The following COPG2 variants were observed in gnomAD, a reference collection of about 807,000 sequenced individuals.
COPG2 encodes the protein coat protein complex I subunit gamma 2, also known as coatomer subunit gamma-2.
COPG2 carries 37 observed loss-of-function variants against 46.3 expected under a neutral mutation model. The ratio of observed to expected loss-of-function variants is 0.80; its 90% CI spans 0.61 to 1.05. COPG2 has a LOEUF of 1.05. Among genes scored for constraint, COPG2 ranks in the 50% least tolerant of loss-of-function variants. The pLI is 0.00. For missense variants in COPG2, 427 were observed against 387.8 expected (o/e 1.10, Z -0.85); for synonymous variants, 159 against 129.7 (o/e 1.23, Z -1.53).
intron 9 of COPG2, among the ~76,000 whole-genome samples, chr7:130,588,106 A>C (rs1304580804): frequency 2.7e-5 from 4 of 150,656 alleles, no homozygotes; most frequent in Non-Finnish European, 4.4e-5. Context: ...ATACCATCTC[A>C]CAACAGTTAG....
At position 130,527,331 on chromosome 7, in the gene COPG2, G is replaced by C. The variant is rs948907034; in HGVS notation, c.2150-18672C>G. ...GAGTGCCTGGCATACATGGGGGTAA[G>C]GGAGGGAAATGCTAAGGTCTTTGAG... On this transcript the variant is annotated intron_variant, in intron 20 of 23. Transcript: ENST00000425248. Among the ~76,000 whole-genome samples the C allele has an allele frequency of 6.3e-3, 958 of 151,472 alleles. 6 individuals carry two copies. The highest frequency in any genetic ancestry group is 0.022 in the African/African-American group (908 of 41,286).
intron 9 of COPG2, among the ~76,000 whole-genome samples, chr7:130,575,070 C>T (rs1248099447): frequency 6.6e-6 from 1 of 152,042 alleles, no homozygotes; most frequent in African/African-American, 2.4e-5. Context: ...AACGACCAAA[C>T]CTAAGAATAA....
intron 20 of COPG2, among the ~76,000 whole-genome samples, chr7:130,512,616 C>A (rs147466553): frequency 0.013 from 2,002 of 151,978 alleles, 44 homozygotes; most frequent in African/African-American, 0.047. Context: ...CCCGTCTCTA[C>A]TAAAAATTTT....
chr7:130,626,554 A>G (rs1056114531), intron 5 of COPG2, among the ~76,000 whole-genome samples: 1 of 151,994 alleles, frequency 6.6e-6, no homozygotes, highest in African/African-American at 2.4e-5. Context: ...TGGCTAATGA[A>G]TACTCTTAGT....
chr7:130,623,445 A>G (rs1172835351), intron 5 of COPG2, among the ~76,000 whole-genome samples: 4 of 152,170 alleles, frequency 2.6e-5, no homozygotes, highest in Non-Finnish European at 5.9e-5. Context: ...TGCCAGTACC[A>G]TGCTGTTTTA....
At chr7:130,537,151 C>T (rs1406528435) in intron 20 of COPG2, among the ~76,000 whole-genome samples, 5 of 152,086 alleles carry the variant, frequency 3.3e-5, no homozygotes, top group African/African-American at 1.2e-4. Context: ...CAAAACTACT[C>T]TGGTGACAGG....
At chr7:130,621,093 A>C (rs1289021687) in intron 5 of COPG2, among the ~76,000 whole-genome samples, 1 of 152,202 alleles carries the variant, frequency 6.6e-6, no homozygotes, top group Non-Finnish European at 1.5e-5. Flanking sequence ...CAGGAAGCAT[A>C]TGTGACAACG....
chr7:130,522,995 T>A (rs1435121732), intron 20 of COPG2, among the ~76,000 whole-genome samples: 1 of 151,198 alleles, frequency 6.6e-6, no homozygotes, highest in Non-Finnish European at 1.5e-5. Context: ...GGTGGATGCC[T>A]GTAATCCCAG....
chr7:130,641,194 A>G (rs1554457214), intron 5 of COPG2, among the ~76,000 whole-genome samples: 4 of 151,534 alleles, frequency 2.6e-5, no homozygotes, highest in African/African-American at 7.2e-5. Flanking sequence ...AAAAAAAAAA[A>G]AGAGAACAAC....
intron 9 of COPG2, among the ~76,000 whole-genome samples, chr7:130,578,055 G>T (rs1405463827): frequency 6.6e-6 from 1 of 152,218 alleles, no homozygotes; most frequent in East Asian, 1.9e-4. Flanking sequence ...GAGCACAGAC[G>T]AACCAAAAGA....
intron 4 of COPG2, among the ~76,000 whole-genome samples, chr7:130,653,320 C>T (rs963255389): frequency 1.3e-5 from 2 of 152,212 alleles, no homozygotes; most frequent in Non-Finnish European, 2.9e-5. Context: ...ATGGCGCAAT[C>T]GTGGCTCACC....
chr7:130,507,981 G>A lies in COPG2; in HGVS notation c.2248-158C>T, dbSNP rs2116323727. 4 of 585,672 alleles carry A rather than the reference G, an allele frequency of 6.8e-6. No individual in the cohort carries two copies. The South Asian group carries it at 8.6e-5, about 13-fold the overall frequency. 36.3% of individuals were successfully genotyped at this position (585,672 alleles called of 1,614,324 possible). On this transcript the variant is annotated intron_variant, in intron 21 of 23. Transcript: ENST00000425248. Reference sequence around the variant, plus strand: ...GATAAATCTAATGTTGTAGCCCTTAGCAAAGGAAAGCAAGAAAACAGAACA... The same window carrying A: ...GATAAATCTAATGTTGTAGCCCTTAACAAAGGAAAGCAAGAAAACAGAACA...
At chr7:130,654,781 C>G (rs181790969) in intron 4 of COPG2, among the ~76,000 whole-genome samples, 115 of 152,052 alleles carry the variant, frequency 7.6e-4, no homozygotes, top group African/African-American at 2.7e-3. Flanking sequence ...GTCTTTTTTT[C>G]CTCTCTGCTT....
chr7:130,594,634 C>T (rs1305874618), intron 9 of COPG2, among the ~76,000 whole-genome samples: 2 of 152,126 alleles, frequency 1.3e-5, no homozygotes, highest in African/African-American at 4.8e-5. Context: ...TAGTATCCAA[C>T]ATATACAAAG....
chr7:130,645,980 T>C (rs746407324), intron 5 of COPG2, among the ~76,000 whole-genome samples: 13 of 152,212 alleles, frequency 8.5e-5, no homozygotes, highest in Non-Finnish European at 1.6e-4. Flanking sequence ...TTGGTAGCTA[T>C]TGCTTTGATC....
chr7:130,528,645 C>T (rs917655371), intron 20 of COPG2, among the ~76,000 whole-genome samples: 11 of 151,140 alleles, frequency 7.3e-5, no homozygotes, highest in Admixed American at 2.6e-4. Context: ...GACCAACCTG[C>T]GCCCCAGGGG....
intron 21 of COPG2, 37 bp downstream of exon 21, chr7:130,508,525 A>T: frequency 1.3e-6 from 1 of 746,488 alleles, no homozygotes; most frequent in Middle Eastern, 2.3e-4. Context: ...AGTGTTGTGA[A>T]GGTGTCAAAG....
At chr7:130,534,067 G>A (rs1239930554) in intron 20 of COPG2, among the ~76,000 whole-genome samples, 8 of 152,052 alleles carry the variant, frequency 5.3e-5, no homozygotes, top group Admixed American at 5.2e-4. Context: ...TTCCCAAAAT[G>A]GGGGTGCGCC....
chr7:130,515,568 T>A (rs998041808), intron 20 of COPG2, among the ~76,000 whole-genome samples: 4 of 152,198 alleles, frequency 2.6e-5, no homozygotes, highest in Admixed American at 6.5e-5. Context: ...TTTAACCAGC[T>A]GCAGTTGGAG....
Sources: allele counts gnomAD v4.1 joint callset (sites outside exome capture counted in the v4.1 genomes callset), GRCh38; gene constraint gnomAD v4.1.1; transcripts MANE v1.5; gene names NCBI Gene and HGNC (gene_info 2026-07-23, HGNC 2026-07-21).